The following KCTD1 variants were observed in gnomAD, a reference collection of about 807,000 sequenced individuals.
The protein encoded by KCTD1 is BTB/POZ domain-containing protein KCTD1.
In KCTD1, 24 loss-of-function variants were observed where a neutral mutation model predicts 66.0. The ratio of observed to expected loss-of-function variants is 0.36; its 90% CI spans 0.26 to 0.51. The LOEUF (loss-of-function observed/expected upper bound fraction) is 0.51, where lower values mean the gene tolerates loss of function less well. KCTD1 is among the 20% of genes least tolerant of loss of function. The pLI is 0.95. For missense variants in KCTD1, 943 were observed against 1,205.2 expected (o/e 0.78, Z 3.22); for synonymous variants, 511 against 517.2 (o/e 0.99, Z 0.16).
At chr18:26,483,639 A>ACCAAC (rs1217416459) in intron 2 of KCTD1, among the ~76,000 whole-genome samples, 1 of 152,196 alleles carries the variant, frequency 6.6e-6, no homozygotes, top group African/African-American at 2.4e-5. Context: ...ATGGTTACTA[A>ACCAAC]TTTGGATTCT....
rs1986127582 is a variant in KCTD1, at chr18:26,572,247, A to T, written c.-16+56900T>A. Among the ~76,000 whole-genome samples, 3 of 152,036 alleles carry T rather than the reference A, an allele frequency of 2.0e-5. No homozygotes were observed. The South Asian group carries it at 6.2e-4, about 32-fold the overall frequency. On this transcript the variant is annotated intron_variant, in intron 1 of 4. Transcript: ENST00000317932. ...GCTAATTTTTGTATTTTTAGTAGAG[A>T]CAGGGTTTCACCATATTGGTCAGGC...
intron 1 of KCTD1, among the ~76,000 whole-genome samples, chr18:26,511,691 T>A (rs983501768): frequency 6.6e-6 from 1 of 152,258 alleles, no homozygotes; most frequent in Admixed American, 6.5e-5. Flanking sequence ...TTTACTGTGA[T>A]ATTTTACATG....
chr18:26,626,166 C>CA (rs11426681), intron 1 of KCTD1, among the ~76,000 whole-genome samples: 10,876 of 138,558 alleles, frequency 0.078, 419 homozygotes, highest in South Asian at 0.087. Context: ...AAAAAAAAAA[C>CA]AAAAAAAAAA....
chr18:26,644,643 A>C (rs1172369255), upstream of KCTD1, among the ~76,000 whole-genome samples: 1 of 152,076 alleles, frequency 6.6e-6, no homozygotes, highest in Non-Finnish European at 1.5e-5. Context: ...TTGTAATCCC[A>C]GCTACTGGGG....
intron 1 of KCTD1, among the ~76,000 whole-genome samples, chr18:26,570,600 G>A (rs143053405): frequency 1.5e-3 from 230 of 152,066 alleles, no homozygotes; most frequent in African/African-American, 5.4e-3. Context: ...TTGTAGAGAC[G>A]AGGTTTCACT....
At chr18:26,472,845 T>G (rs1981142451) in intron 3 of KCTD1, among the ~76,000 whole-genome samples, 1 of 152,242 alleles carries the variant, frequency 6.6e-6, no homozygotes, top group African/African-American at 2.4e-5. Context: ...CTGTTTCACC[T>G]GCAGCTGCTG....
Position 26,620,348 on chromosome 18 carries a change from TAAA to T in KCTD1, c.-16+8796_-16+8798del, listed in dbSNP as rs10594272. ...GTTTGCATTTGCTGAAGGTAAATCT[TAAA>T]AAAAAAAAAAAAAAAAAAAAAAAAA... On this transcript the variant is annotated intron_variant, in intron 1 of 4. Transcript: ENST00000317932. Among the ~76,000 whole-genome samples, 554 of 86,696 alleles carry T rather than the reference TAAA, an allele frequency of 6.4e-3. 1 individual carries two copies. Among genetic ancestry groups the T allele is most frequent in the African/African-American group, 0.021 (380 of 17,826 alleles). 56.9% of individuals were successfully genotyped at this position (86,696 alleles called of 152,430 possible). A position where few individuals can be genotyped will look rare whatever the true frequency, so the allele number is the denominator to read the frequency against.
rs1332398957 is a variant in KCTD1, at chr18:26,548,412, C to A, written c.125G>T (p.Gly42Val). 7.0e-7 allele frequency: 1 copy of A among 1,429,330 alleles called. No homozygotes were observed. Among genetic ancestry groups the A allele is most frequent in the Non-Finnish European group, 9.2e-7 (1 of 1,089,394 alleles). 88.5% of individuals were successfully genotyped at this position (1,429,330 alleles called of 1,614,324 possible). A position where few individuals can be genotyped will look rare whatever the true frequency, so the allele number is the denominator to read the frequency against. The change falls in exon 1 of 5, where the codon GGC becomes GTC. Residue 42 changes from glycine (G) to valine (V), a missense_variant. Gly to Val is a moderately radical substitution (Grantham distance 109). Around this residue, in one of 10 missense-constraint regions of KCTD1, gnomAD observed 236 missense variants for 206.6 expected, o/e 1.14. Transcript: ENST00000580059. Reference sequence around the variant, plus strand: ...GTAGTGCGGACGGCTGTGGCGGCGGCCGCGGCCCCCCGCGCCGCGCTCGCC... The same window carrying A: ...GTAGTGCGGACGGCTGTGGCGGCGGACGCGGCCCCCCGCGCCGCGCTCGCC... Reference protein sequence around the residue: ...GEGERGAGGRGRRHSRPHYCS... With the variant: ...GEGERGAGGRVRRHSRPHYCS...
At chr18:26,475,937 A>C (rs934147450) in intron 3 of KCTD1, among the ~76,000 whole-genome samples, 1 of 152,226 alleles carries the variant, frequency 6.6e-6, no homozygotes, top group African/African-American at 2.4e-5. Flanking sequence ...TTCTAATAGC[A>C]TTAAGTTGAC....
intron 2 of KCTD1, among the ~76,000 whole-genome samples, chr18:26,480,628 C>T (rs9955921): frequency 0.71 from 108,542 of 151,852 alleles, 40,124 homozygotes; most frequent in Non-Finnish European, 0.82. Flanking sequence ...ATTAGCCGGG[C>T]GTGGTGGCAC....
At chr18:26,619,796 T>G (rs1158086100) in intron 1 of KCTD1, among the ~76,000 whole-genome samples, 2 of 152,204 alleles carry the variant, frequency 1.3e-5, no homozygotes, top group African/African-American at 4.8e-5. Context: ...AGTGGAGAGA[T>G]GAAGAGCTCA....
chr18:26,546,744 A>G lies in KCTD1; in HGVS notation c.1793T>C (p.Ile598Thr). The change falls in exon 1 of 5, where the codon ATT becomes ACT. Residue 598 changes from isoleucine to threonine, a missense_variant. Physicochemically the swap from Ile to Thr is moderately conservative, Grantham distance 89. This residue lies in a region of KCTD1 where 197 missense variants were observed against 182.7 expected (regional missense o/e 1.08). Coordinates refer to ENST00000580059, the MANE Select transcript of KCTD1 (RefSeq NM_001142730.3). ...TNSPTIVSPAIVSPTQDSRPN... is the reference protein window; with the variant it reads ...TNSPTIVSPATVSPTQDSRPN... The stretch of plus-strand genomic sequence containing the variant: ...TTTGGTTACCTGGGTGGGGGAAACA[A>G]TAGCAGGTGAAACTATTGTGGGAGA... 1 of 1,549,236 alleles carries G rather than the reference A, an allele frequency of 6.5e-7. No homozygotes were observed. Among genetic ancestry groups the G allele is most frequent in the Non-Finnish European group, 8.7e-7 (1 of 1,146,144 alleles).
intron 1 of KCTD1, among the ~76,000 whole-genome samples, chr18:26,617,928 G>GA (rs199828453): frequency 5.9e-4 from 81 of 136,612 alleles, no homozygotes; most frequent in South Asian, 9.3e-4. Flanking sequence ...CAAAAAGAAG[G>GA]AAAAAAAAAA....
At chr18:26,538,822 G>A (rs897707049) in intron 1 of KCTD1, among the ~76,000 whole-genome samples, 2 of 152,260 alleles carry the variant, frequency 1.3e-5, no homozygotes, top group East Asian at 1.9e-4. Context: ...TGCTCCAGGG[G>A]ATGTGGCTCT....
chr18:26,457,101 G>A (rs1980131122), intron 4 of KCTD1: 1 of 149,860 alleles, frequency 6.7e-6, no homozygotes. Flanking sequence ...AGATGAGATG[G>A]GAAAGCAAGA....
chr18:26,578,583 C>G (rs945429761), intron 1 of KCTD1, among the ~76,000 whole-genome samples: 1 of 152,128 alleles, frequency 6.6e-6, no homozygotes, highest in African/African-American at 2.4e-5. Context: ...CTCAACTGAA[C>G]CAACCTTGGC....
Position 26,491,413 on chromosome 18 carries a change from G to A in KCTD1, c.1988+9659C>T, listed in dbSNP as rs745926381. Among the ~76,000 whole-genome samples, 6 of 152,280 alleles carry A rather than the reference G, an allele frequency of 3.9e-5. No individual in the cohort carries two copies. The East Asian group carries it at 5.8e-4, about 15-fold the overall frequency. On this transcript the variant is annotated intron_variant, in intron 2 of 4. Transcript: ENST00000580059. ...CTTTCTCTTCATAGGTACAAACAACGAGCCATCAGACAAGTGGCAAGGTCA... is the reference window on the plus strand; with the variant it reads ...CTTTCTCTTCATAGGTACAAACAACAAGCCATCAGACAAGTGGCAAGGTCA...
intron 1 of KCTD1, among the ~76,000 whole-genome samples, chr18:26,619,390 T>C (rs1423486070): frequency 6.6e-6 from 1 of 152,244 alleles, no homozygotes; most frequent in African/African-American, 2.4e-5. Context: ...AGGAAAAATT[T>C]CCATACTATT....
At chr18:26,508,105 C>A (rs1983139936) in intron 1 of KCTD1, among the ~76,000 whole-genome samples, 1 of 152,120 alleles carries the variant, frequency 6.6e-6, no homozygotes, top group Non-Finnish European at 1.5e-5. Context: ...TTATTATTTC[C>A]TTTGATAGAA....
Sources: allele counts gnomAD v4.1 joint callset (sites outside exome capture counted in the v4.1 genomes callset), GRCh38; gene constraint gnomAD v4.1.1; regional missense constraint gnomAD v4.1.1; transcripts MANE v1.5; gene names NCBI Gene and HGNC (gene_info 2026-07-23, HGNC 2026-07-21).